The following AMD1 variants were observed in gnomAD, a reference collection of about 807,000 sequenced individuals.
The protein encoded by AMD1 is adenosylmethionine decarboxylase 1.
In AMD1, 11 loss-of-function variants were observed where a neutral mutation model predicts 40.2. The ratio of observed to expected loss-of-function variants is 0.27; its 90% CI spans 0.17 to 0.45. The LOEUF (loss-of-function observed/expected upper bound fraction) is 0.45, where lower values mean the gene tolerates loss of function less well. AMD1 is among the 20% of genes least tolerant of loss of function. The probability of loss-of-function intolerance (pLI) is 1.00; values close to 1 mark genes in which losing one functional copy is unlikely to be tolerated. For missense variants in AMD1, 257 were observed against 410.2 expected (o/e 0.63, Z 3.23); for synonymous variants, 121 against 130.8 (o/e 0.93, Z 0.51).
At chr6:110,864,626 T>G in the AMD1 span, among the ~76,000 whole-genome samples, 1 of 152,220 alleles carries the variant, frequency 6.6e-6, no homozygotes, top group Non-Finnish European at 1.5e-5. Context: ...TAGTGATTGG[T>G]GGAACCCCAA....
chr6:110,858,689 G>A, the AMD1 span: 2 of 962,724 alleles, frequency 2.1e-6, no homozygotes, highest in Admixed American at 3.7e-5. Context: ...GGAGAAGCAG[G>A]AGCCGAACTT....
chr6:110,876,432 T>C (rs1785119814), intron 1 of AMD1, among the ~76,000 whole-genome samples: 1 of 152,002 alleles, frequency 6.6e-6, no homozygotes, highest in Non-Finnish European at 1.5e-5. Context: ...CCAATGGGCG[T>C]TTTAGGAGTG....
At chr6:110,815,400 C>G in the AMD1 span, 21 of 326,654 alleles carry the variant, frequency 6.4e-5, no homozygotes, top group African/African-American at 8.7e-5. Context: ...CCGCCTCCCT[C>G]CTTCATTTCC....
the AMD1 span, among the ~76,000 whole-genome samples, chr6:110,859,852 A>ATGT: frequency 1.1e-4 from 16 of 151,604 alleles, no homozygotes; most frequent in Non-Finnish European, 1.9e-4. Flanking sequence ...GTTGTTGTTG[A>ATGT]TGTTGTTGTT....
Position 110,895,433 on chromosome 6 carries a change from G to A in AMD1, c.*1817G>A, listed in dbSNP as rs1207965083. ...TATCCCAATAGATTTGTTGACTTGAGGTCTGGTTTGGTTTTGTTTTTGTTT... is the reference window on the plus strand; with the variant it reads ...TATCCCAATAGATTTGTTGACTTGAAGTCTGGTTTGGTTTTGTTTTTGTTT... On this transcript the variant is annotated 3_prime_UTR_variant, in exon 9 of 9. Transcript: ENST00000368885. 6.9e-6 allele frequency: 1 copy of A among 144,518 alleles called. No individual in the cohort carries two copies. Among genetic ancestry groups the A allele is most frequent in the Non-Finnish European group, 1.5e-5 (1 of 66,438 alleles). The allele number at this position is 144,518 out of a possible 1,614,324, so 9.0% of individuals were successfully genotyped here.
At chr6:110,881,065 G>T (rs1029069605) in intron 1 of AMD1, among the ~76,000 whole-genome samples, 1 of 152,128 alleles carries the variant, frequency 6.6e-6, no homozygotes, top group Non-Finnish European at 1.5e-5. Context: ...AATGTGGCAT[G>T]CCACTAAAGT....
the AMD1 span, among the ~76,000 whole-genome samples, chr6:110,834,707 C>T: frequency 6.6e-6 from 1 of 151,894 alleles, no homozygotes; most frequent in Non-Finnish European, 1.5e-5. Flanking sequence ...GTCTGTAATC[C>T]CAGCACTTTG....
At chr6:110,888,609 CTCTT>C (rs1312177392) in intron 2 of AMD1, 8 of 267,036 alleles carry the variant, frequency 3.0e-5, no homozygotes, top group Non-Finnish European at 2.8e-5. Flanking sequence ...CCTGGCCTCT[CTCTT>C]TTTTTTTTTT....
chr6:110,815,074 C>T, the AMD1 span: 2 of 1,605,114 alleles, frequency 1.2e-6, no homozygotes, highest in South Asian at 1.1e-5. Context: ...ACCCTTCGTA[C>T]TCAAACAAAT....
chr6:110,887,406 A>C, intron 1 of AMD1, 99 bp from the exon 2 acceptor site: 2 of 748,976 alleles, frequency 2.7e-6, no homozygotes, highest in East Asian at 5.4e-5. Flanking sequence ...AATATTAATT[A>C]AAAATGTGGT....
chr6:110,869,666 C>T, the AMD1 span, among the ~76,000 whole-genome samples: 3 of 151,702 alleles, frequency 2.0e-5, no homozygotes, highest in Admixed American at 6.6e-5. Flanking sequence ...TGCTCCACCA[C>T]GCTCGGCTGA....
At chr6:110,815,888 G>A in the AMD1 span, 1 of 152,394 alleles carries the variant, frequency 6.6e-6, no homozygotes, top group Non-Finnish European at 1.5e-5. Flanking sequence ...TCTTTTCTAG[G>A]GCAGTGGGTC....
chr6:110,863,884 C>T, the AMD1 span: 2 of 485,550 alleles, frequency 4.1e-6, no homozygotes, highest in Non-Finnish European at 4.0e-6. Flanking sequence ...ATAAAGAGGG[C>T]AGAAGTCCAG....
the AMD1 span, chr6:110,848,596 G>A: frequency 1.9e-5 from 10 of 538,650 alleles, no homozygotes; most frequent in Non-Finnish European, 3.0e-5. Flanking sequence ...TTTAGGAAAG[G>A]TGCAAAAAAT....
chr6:110,841,359 C>T, the AMD1 span, among the ~76,000 whole-genome samples: 2,032 of 152,328 alleles, frequency 0.013, 46 homozygotes, highest in African/African-American at 0.047. Context: ...AAGCCCTAAC[C>T]TATGTAGCTG....
chr6:110,814,885 C>T, the AMD1 span: 2 of 1,338,744 alleles, frequency 1.5e-6, no homozygotes, highest in African/African-American at 3.0e-5. Context: ...CCGGACGCAA[C>T]CCCGCGACCC....
chr6:110,867,692 C>T, the AMD1 span, among the ~76,000 whole-genome samples: 48 of 151,838 alleles, frequency 3.2e-4, no homozygotes, highest in Admixed American at 8.5e-4. Context: ...AAAGTAAATA[C>T]GAAAGCAGAA....
the AMD1 span, among the ~76,000 whole-genome samples, chr6:110,867,797 A>G: frequency 6.6e-6 from 1 of 152,266 alleles, no homozygotes; most frequent in Non-Finnish European, 1.5e-5. Context: ...GAAATAATGA[A>G]AGTGTTCATG....
the AMD1 span, among the ~76,000 whole-genome samples, chr6:110,846,048 T>A: frequency 6.6e-6 from 1 of 152,064 alleles, no homozygotes; most frequent in Non-Finnish European, 1.5e-5. Context: ...GAGACCAGCC[T>A]GGCCAACATG....
Sources: allele counts gnomAD v4.1 joint callset (sites outside exome capture counted in the v4.1 genomes callset), GRCh38; gene constraint gnomAD v4.1.1; transcripts MANE v1.5; gene names NCBI Gene and HGNC (gene_info 2026-07-23, HGNC 2026-07-21).